Variants in CSTF3 observed in about 807,000 individuals in gnomAD.
CSTF3 encodes the protein cleavage stimulation factor subunit 3.
A neutral mutation model predicts 105.8 loss-of-function variants in CSTF3; 29 were observed. The ratio of observed to expected loss-of-function variants is 0.27; its 90% CI spans 0.20 to 0.37. CSTF3 has a LOEUF of 0.37. Among genes scored for constraint, CSTF3 ranks in the 10% least tolerant of loss-of-function variants. CSTF3 has a pLI of 1.00. For missense variants in CSTF3, 357 were observed against 879.3 expected, an observed-to-expected ratio of 0.41 and a Z score of 7.51; for synonymous variants, 252 against 281.9, an observed-to-expected ratio of 0.89 and a Z score of 1.06.
intron 17 of CSTF3, among the ~76,000 whole-genome samples, chr11:33,087,489 T>C (rs774034406): frequency 6.6e-5 from 10 of 152,170 alleles, no homozygotes; most frequent in African/African-American, 1.2e-4. Flanking sequence ...AGATTTTAGA[T>C]CTTCTGACAC....
At position 33,099,982 on chromosome 11, in the gene CSTF3, C is replaced by T. The variant is rs1855263489; in HGVS notation, c.827-265G>A. Among the ~76,000 whole-genome samples, 1 of 152,136 alleles carries T rather than the reference C, an allele frequency of 6.6e-6. No homozygotes were observed. The highest frequency in any genetic ancestry group is 1.9e-4 in the East Asian group (1 of 5,176). On this transcript the variant is annotated intron_variant, in intron 10 of 20. Transcript: ENST00000323959. The surrounding 1 kb of genome is among the most constrained non-coding windows in gnomAD (Gnocchi z 4.1). ...AAATATGGTTCACTGCAGCCTCGAC[C>T]TCCTGGGCTCAAGTGGTTTTCCTGC...
chr11:33,093,470 C>G (rs1034034339), intron 15 of CSTF3, among the ~76,000 whole-genome samples: 1 of 152,090 alleles, frequency 6.6e-6, no homozygotes, highest in African/African-American at 2.4e-5. Context: ...CTCTATGACA[C>G]CCTCTAGAAC....
At chr11:33,087,234 G>A in intron 17 of CSTF3, 93 bp from the exon 18 acceptor site, 1 of 1,316,300 alleles carries the variant, frequency 7.6e-7, no homozygotes, top group Non-Finnish European at 1.1e-6. Context: ...GTGAATATCT[G>A]GGTCAAAACC....
chr11:33,101,100 G>A (rs897214341), intron 10 of CSTF3, among the ~76,000 whole-genome samples: 1 of 152,158 alleles, frequency 6.6e-6, no homozygotes, highest in Non-Finnish European at 1.5e-5. Flanking sequence ...TTTAAATATG[G>A]CTTTTCCCTT....
intron 3 of CSTF3, among the ~76,000 whole-genome samples, chr11:33,139,223 G>A (rs1454382942): frequency 2.6e-5 from 4 of 151,338 alleles, no homozygotes; most frequent in East Asian, 1.9e-4. Flanking sequence ...ATTATCTTCC[G>A]TTACTAAAGA....
intron 1 of CSTF3, among the ~76,000 whole-genome samples, chr11:33,152,187 G>A (rs1241131234): frequency 6.6e-6 from 1 of 152,178 alleles, no homozygotes; most frequent in Non-Finnish European, 1.5e-5. Flanking sequence ...CCGGCGGGGA[G>A]GGGCAGAGGT....
chr11:33,152,939 G>C (rs1427250838), intron 1 of CSTF3, among the ~76,000 whole-genome samples: 1 of 151,654 alleles, frequency 6.6e-6, no homozygotes, highest in Non-Finnish European at 1.5e-5. Context: ...GCCTGAGCAA[G>C]AGTGAGACTC....
At position 33,092,276 on chromosome 11, in the gene CSTF3, C is replaced by T; in HGVS notation, c.1440G>A (p.Lys480=). The change falls in exon 16 of 21, where the codon AAG becomes AAA. Residue 480 remains lysine (K), a synonymous_variant. Coordinates refer to ENST00000323959, the MANE Select transcript of CSTF3 (RefSeq NM_001326.3). ...VLTSGSLPPE[K]SGEIWARFLA... ...AACTTTTCACAATGGCTTACCCAGA[C>T]TTCTCAGGAGGAAGGCTTCCAGATG... The T allele has an allele frequency of 2.5e-6, 4 of 1,598,508 alleles. No individual in the cohort carries two copies. Among genetic ancestry groups the T allele is most frequent in the South Asian group, 1.1e-5 (1 of 87,672 alleles).
At chr11:33,152,437 TC>T (rs1017905296) in intron 1 of CSTF3, among the ~76,000 whole-genome samples, 3 of 152,154 alleles carry the variant, frequency 2.0e-5, no homozygotes, top group African/African-American at 7.2e-5. Flanking sequence ...CTGGGTTTTT[TC>T]ATTAATGAAT....
intron 3 of CSTF3, among the ~76,000 whole-genome samples, chr11:33,124,873 G>A (rs1855528047): frequency 6.6e-6 from 1 of 152,136 alleles, no homozygotes; most frequent in South Asian, 2.1e-4. Flanking sequence ...CCTTGCTGCT[G>A]TGAAGTTACC....
intron 3 of CSTF3, among the ~76,000 whole-genome samples, chr11:33,127,135 T>A (rs1855551509): frequency 6.6e-6 from 1 of 152,206 alleles, no homozygotes; most frequent in Admixed American, 6.5e-5. Context: ...AGGAGGCCAG[T>A]GTGACTAGAG....
intron 1 of CSTF3, among the ~76,000 whole-genome samples, chr11:33,150,531 A>G (rs1461622754): frequency 6.6e-6 from 1 of 152,192 alleles, no homozygotes; most frequent in Admixed American, 6.5e-5. Flanking sequence ...TTCTCTGTGA[A>G]TAACACAACC....
Position 33,085,132 on chromosome 11 carries a change from A to C in CSTF3, c.2109T>G (p.Pro703=), listed in dbSNP as rs1374121282. 12 of 1,614,022 alleles carry C rather than the reference A, an allele frequency of 7.4e-6. No individual in the cohort carries two copies. Among genetic ancestry groups the C allele is most frequent in the Non-Finnish European group, 1.0e-5 (12 of 1,180,026 alleles). ...EDEEKGAVVP[P]VHDIYRARQQ... is the part of the protein sequence containing the mutation. ...GCCGTGCTCTGTAAATGTCATGAAC[A>C]GGGGGGACAACGGCTCCCTTTTCTT... Residue 703 remains proline (P), a synonymous_variant, in exon 21 of 21, where the codon CCT becomes CCG. Transcript: ENST00000323959.
At chr11:33,102,425 T>A (rs1401917047) in intron 9 of CSTF3, 86 bp from the exon 10 acceptor site, 1 of 1,200,502 alleles carries the variant, frequency 8.3e-7, no homozygotes, top group African/African-American at 1.5e-5. Context: ...TGGAAGACTG[T>A]TCAAGATGCC....
At chr11:33,114,458 G>GA (rs35116935) in intron 3 of CSTF3, among the ~76,000 whole-genome samples, 44,983 of 150,944 alleles carry the variant, frequency 0.3, 7,671 homozygotes, top group Middle Eastern at 0.43. Flanking sequence ...ATCCCTTGGG[G>GA]AAAAAAAAAT....
chr11:33,159,179 C>T (rs1289415021), intron 1 of CSTF3, among the ~76,000 whole-genome samples: 2 of 152,092 alleles, frequency 1.3e-5, no homozygotes, highest in Admixed American at 6.5e-5. Context: ...GTGGACCAGG[C>T]GTGGTGGCTC....
At chr11:33,113,250 T>TAAGA (rs1855398583) in intron 3 of CSTF3, among the ~76,000 whole-genome samples, 1 of 151,776 alleles carries the variant, frequency 6.6e-6, no homozygotes, top group African/African-American at 2.4e-5. Context: ...AATAAATGAA[T>TAAGA]AAGACCATTA....
intron 1 of CSTF3, among the ~76,000 whole-genome samples, chr11:33,158,747 A>G (rs928069965): frequency 6.6e-6 from 1 of 152,214 alleles, no homozygotes; most frequent in African/African-American, 2.4e-5. Context: ...AAGGCTGAGT[A>G]TAGACCTAAC....
chr11:33,112,123 G>A (rs561363067), intron 3 of CSTF3, among the ~76,000 whole-genome samples: 13 of 152,052 alleles, frequency 8.5e-5, no homozygotes, highest in Non-Finnish European at 1.3e-4. Context: ...GCATGGTGGC[G>A]CACACTTGTA....
Sources: gnomAD v4.1 joint callset for allele counts (sites outside exome capture counted in the v4.1 genomes callset) on GRCh38, gnomAD v4.1.1 for gene constraint, Gnocchi (gnomAD v3.1) non-coding constraint, MANE v1.5 for transcripts, NCBI Gene and HGNC (gene_info 2026-07-23, HGNC 2026-07-21) for gene names.